NAV3: variants seen among roughly 807,000 people sequenced by gnomAD.
NAV3 encodes neuron navigator 3, also known as pore membrane and/or filament interacting like protein 1.
Under a neutral mutation model 244.7 loss-of-function variants are expected in NAV3, and 87 were observed. That is an observed-to-expected ratio of 0.36 (90% CI 0.30 to 0.42). NAV3 has a LOEUF of 0.42. Ranked by LOEUF, NAV3 falls within the 20% of genes least tolerant of loss-of-function variation. NAV3 has a pLI of 1.00. For synonymous variants in NAV3, 1,126 were observed against 1,042.2 expected, an observed-to-expected ratio of 1.08 and a Z score of -1.55; for missense variants, 2,663 against 2,893.3, an observed-to-expected ratio of 0.92 and a Z score of 1.83.
chr12:77,919,397 T>C (rs1053009071), intron 1 of NAV3, among the ~76,000 whole-genome samples: 1 of 152,058 alleles, frequency 6.6e-6, no homozygotes, highest in African/African-American at 2.4e-5. Flanking sequence ...ACTACATTCT[T>C]ACATTGGAAT....
intron 3 of NAV3, among the ~76,000 whole-genome samples, chr12:77,945,855 C>G (rs1890285359): frequency 6.6e-6 from 1 of 151,808 alleles, no homozygotes; most frequent in Non-Finnish European, 1.5e-5. Flanking sequence ...TCAAGCAATT[C>G]TCCCTGCCTC....
chr12:77,699,102 G>T (rs1014946833), intron 2 of NAV3, among the ~76,000 whole-genome samples: 1 of 152,056 alleles, frequency 6.6e-6, no homozygotes, highest in African/African-American at 2.4e-5. Context: ...ACTTTTATTT[G>T]ATATATTTCA....
At chr12:77,869,716 TC>T (rs1302157331) in intron 1 of NAV3, among the ~76,000 whole-genome samples, 2 of 152,238 alleles carry the variant, frequency 1.3e-5, no homozygotes, top group Non-Finnish European at 2.9e-5. Flanking sequence ...AATATCATGT[TC>T]CTTTCATTCA....
At chr12:77,616,334 A>G (rs1189614839) in intron 2 of NAV3, among the ~76,000 whole-genome samples, 2 of 149,936 alleles carry the variant, frequency 1.3e-5, no homozygotes, top group East Asian at 3.9e-4. Flanking sequence ...TTGAATAGGG[A>G]GGCAGAGGTT....
chr12:77,884,988 TGATG>T (rs1376436676), intron 1 of NAV3, among the ~76,000 whole-genome samples: 1 of 152,154 alleles, frequency 6.6e-6, no homozygotes, highest in African/African-American at 2.4e-5. Context: ...ATGATGTCAA[TGATG>T]GATGGAGCAT....
intron 12 of NAV3, among the ~76,000 whole-genome samples, chr12:78,085,581 A>G (rs567812971): frequency 6.6e-6 from 1 of 152,280 alleles, no homozygotes; most frequent in South Asian, 2.1e-4. Flanking sequence ...TGTGAAAATG[A>G]TGAGCAGAAA....
chr12:78,095,147 G>A (rs561595362), intron 12 of NAV3, among the ~76,000 whole-genome samples: 6 of 150,788 alleles, frequency 4.0e-5, no homozygotes, highest in Non-Finnish European at 5.9e-5. Flanking sequence ...GTATGTATAT[G>A]TGACTTGATA....
Position 78,127,112 on chromosome 12 carries a change from T to C in NAV3, c.4239-55T>C. 3.2e-6 allele frequency: 5 copies of C among 1,573,726 alleles called. No individual in the cohort carries two copies. In the South Asian group the frequency reaches 5.7e-5, roughly 18 times the overall value. The stretch of plus-strand genomic sequence containing the variant: ...CAGAGAACCATTTTTGTTGGATGTG[T>C]AATTTGGAAGTTTTGTTTACATTAT... On this transcript the variant is annotated intron_variant, in intron 16 of 39. Coordinates refer to ENST00000397909, the MANE Select transcript of NAV3 (RefSeq NM_001024383.2).
At position 77,651,697 on chromosome 12, in the gene NAV3, C is replaced by T. The variant is rs143093057; in HGVS notation, c.72+79431C>T. Among the ~76,000 whole-genome samples, 898 of 152,098 alleles carry T rather than the reference C, an allele frequency of 5.9e-3. 8 individuals are homozygous for T. The highest frequency in any genetic ancestry group is 0.018 in the South Asian group (86 of 4,820). On this transcript the variant is annotated intron_variant, in intron 2 of 8. Transcript: ENST00000550042. ...CTGGTGGTTATTATTTTTTAGTCTA[C>T]GTCAGTTGTATACAACAGAGTAAAA...
chr12:78,143,626 GAAA>G (rs71088361), intron 20 of NAV3, among the ~76,000 whole-genome samples: 2 of 75,952 alleles, frequency 2.6e-5, no homozygotes, highest in Admixed American at 1.8e-4. Flanking sequence ...CACTGTCTCA[GAAA>G]AAAAAAAAAA....
chr12:78,120,005 AC>A, intron 15 of NAV3, 60 bp downstream of exon 15: 7 of 1,285,926 alleles, frequency 5.4e-6, no homozygotes, highest in South Asian at 1.4e-5. Flanking sequence ...TTAGACACAT[AC>A]ATTACATATA....
intron 1 of NAV3, among the ~76,000 whole-genome samples, chr12:77,927,284 AG>A (rs1436482685): frequency 1.1e-4 from 16 of 152,236 alleles, no homozygotes; most frequent in Non-Finnish European, 1.5e-5. Context: ...ATGTTGCAGC[AG>A]TCAAATAAAG....
At chr12:77,658,782 C>T (rs1873266050) in intron 2 of NAV3, among the ~76,000 whole-genome samples, 2 of 151,768 alleles carry the variant, frequency 1.3e-5, no homozygotes, top group South Asian at 4.2e-4. Context: ...TGGAACAGAA[C>T]AGAGCCCTCA....
At chr12:78,185,796 C>T in intron 31 of NAV3, 98 bp downstream of exon 31, 5 of 1,008,406 alleles carry the variant, frequency 5.0e-6, no homozygotes, top group South Asian at 1.5e-5. Context: ...AAATATCCTA[C>T]AACAATTGTG....
At chr12:78,083,241 A>C (rs142773224) in intron 12 of NAV3, among the ~76,000 whole-genome samples, 413 of 152,264 alleles carry the variant, frequency 2.7e-3, no homozygotes, top group African/African-American at 9.4e-3. Context: ...CTAACCCACT[A>C]GTCCATTAAC....
At chr12:77,840,564 T>G (rs1875466706) in intron 1 of NAV3, among the ~76,000 whole-genome samples, 1 of 152,206 alleles carries the variant, frequency 6.6e-6, no homozygotes, top group Admixed American at 6.5e-5. Flanking sequence ...ATCCAAAAAT[T>G]CTATATCTTG....
intron 12 of NAV3, among the ~76,000 whole-genome samples, chr12:78,108,482 A>G (rs1179000215): frequency 2.0e-5 from 3 of 152,130 alleles, no homozygotes; most frequent in African/African-American, 4.8e-5. Flanking sequence ...AAAACATTCC[A>G]TCCAACCACT....
intron 9 of NAV3, 119 bp from the exon 10 acceptor site, chr12:78,049,874 T>C (rs1882469786): frequency 3.3e-6 from 2 of 600,968 alleles, no homozygotes; most frequent in Admixed American, 3.5e-5. Flanking sequence ...TAATAGTTAT[T>C]TGAAATGTAT....
chr12:77,676,455 T>G (rs1351993562), intron 2 of NAV3, among the ~76,000 whole-genome samples: 2 of 152,186 alleles, frequency 1.3e-5, no homozygotes, highest in African/African-American at 2.4e-5. Flanking sequence ...GGTTTTTATC[T>G]TTTATTTTCC....
Sources: gnomAD v4.1 joint callset for allele counts (sites outside exome capture counted in the v4.1 genomes callset) on GRCh38, gnomAD v4.1.1 for gene constraint, MANE v1.5 for transcripts, NCBI Gene and HGNC (gene_info 2026-07-23, HGNC 2026-07-21) for gene names.